The following PCDHGA6 variants were observed in gnomAD, a reference collection of about 807,000 sequenced individuals.
The protein encoded by PCDHGA6 is protocadherin gamma subfamily A, 6, also known as protocadherin gamma-A6.
A neutral mutation model predicts 60.6 loss-of-function variants in PCDHGA6; 41 were observed. That is an observed-to-expected ratio of 0.68 (90% CI 0.53 to 0.88). The LOEUF is 0.88. Among genes scored for constraint, PCDHGA6 ranks in the 40% least tolerant of loss-of-function variants. PCDHGA6 has a pLI of 0.00. For synonymous variants in PCDHGA6, 594 were observed against 524.4 expected (o/e 1.13, Z -1.81); for missense variants, 1,312 against 1,203.0 (o/e 1.09, Z -1.34).
Position 141,491,245 on chromosome 5 carries a change from G to A in PCDHGA6, c.2425-3562G>A, listed in dbSNP as rs1171588507. ...CACAGTGCTGCTGGTTCTGGAGGATGAGGACCCTGAGGAAATGCCCAAATC... is the reference window on the plus strand; with the variant it reads ...CACAGTGCTGCTGGTTCTGGAGGATAAGGACCCTGAGGAAATGCCCAAATC... On this transcript the variant is annotated intron_variant, in intron 1 of 3. Transcript: ENST00000517434. The surrounding 1 kb of genome is among the most constrained non-coding windows in gnomAD (Gnocchi z 6.9). 2 of 1,614,086 alleles carry A rather than the reference G, an allele frequency of 1.2e-6. No individual in the cohort carries two copies. Among genetic ancestry groups the A allele is most frequent in the East Asian group, 4.5e-5 (2 of 44,888 alleles).
intron 1 of PCDHGA6, among the ~76,000 whole-genome samples, chr5:141,468,130 G>C (rs1312004369): frequency 6.6e-6 from 1 of 151,878 alleles, no homozygotes; most frequent in Admixed American, 6.6e-5. Context: ...TTTGAGACCA[G>C]CCTGGCCAAC....
intron 1 of PCDHGA6, among the ~76,000 whole-genome samples, chr5:141,472,026 G>C (rs2099269805): frequency 6.6e-6 from 1 of 152,108 alleles, no homozygotes; most frequent in Non-Finnish European, 1.5e-5. Context: ...ATTGTATGTA[G>C]AAAGCTGTGA....
chr5:141,393,744 G>A lies in PCDHGA6; in HGVS notation c.2424+17237G>A, dbSNP rs770821376. The A allele has an allele frequency of 2.0e-5, 32 of 1,613,750 alleles. No individual in the cohort carries two copies. The highest frequency in any genetic ancestry group is 2.7e-5 in the Non-Finnish European group (32 of 1,179,884). On this transcript the variant is annotated intron_variant, in intron 1 of 3. Coordinates refer to ENST00000517434, the MANE Select transcript of PCDHGA6 (RefSeq NM_018919.3). ...AATAGCAAAAAGTCTAGATTATGAAGAATGTTCATTTTATGAAATGGAAAT... is the reference window on the plus strand; with the variant it reads ...AATAGCAAAAAGTCTAGATTATGAAAAATGTTCATTTTATGAAATGGAAAT...
In PCDHGA6 at chr5:141,432,265, G is replaced by A. The variant is rs756993242; in HGVS notation, c.2424+55758G>A. On this transcript the variant is annotated intron_variant, in intron 1 of 3. Transcript: ENST00000517434. The surrounding 1 kb of genome is among the most constrained non-coding windows in gnomAD (Gnocchi z 6.0). ...ACACCATCCAAGGGGCAAGCCTATCGTCCTACGTGTCCATCAACTCCGACA... is the reference window on the plus strand; with the variant it reads ...ACACCATCCAAGGGGCAAGCCTATCATCCTACGTGTCCATCAACTCCGACA... 2.5e-6 allele frequency: 4 copies of A among 1,614,092 alleles called. No individual in the cohort carries two copies. The highest frequency in any genetic ancestry group is 1.7e-5 in the Admixed American group (1 of 60,004).
At chr5:141,441,791 C>T in intron 1 of PCDHGA6, 1 of 390,714 alleles carries the variant, frequency 2.6e-6, no homozygotes, top group Non-Finnish European at 5.1e-6. Flanking sequence ...TGAATGACAA[C>T]GCACCGCGGG....
chr5:141,458,551 T>A (rs1019302178), intron 1 of PCDHGA6, among the ~76,000 whole-genome samples: 1 of 148,194 alleles, frequency 6.7e-6, no homozygotes, highest in Non-Finnish European at 1.5e-5. Flanking sequence ...TTTGTTTGTT[T>A]GTTTTGGTTT....
chr5:141,392,964 G>A (rs772870041), intron 1 of PCDHGA6: 2 of 1,613,902 alleles, frequency 1.2e-6, no homozygotes, highest in South Asian at 1.1e-5. Context: ...TATCTCCAAG[G>A]ACCTGGGGCT....
intron 1 of PCDHGA6, chr5:141,395,944 C>G (rs1218959085): frequency 6.6e-6 from 1 of 151,840 alleles, no homozygotes; most frequent in East Asian, 1.9e-4. Context: ...CATTGCTCCC[C>G]CAAACAAAAA....
At chr5:141,393,270 C>A in intron 1 of PCDHGA6, 1 of 1,613,916 alleles carries the variant, frequency 6.2e-7, no homozygotes, top group East Asian at 2.2e-5. Context: ...AGCACGTTAT[C>A]CACTCCCAGA....
At chr5:141,401,734 G>T (rs2094188545) in intron 1 of PCDHGA6, among the ~76,000 whole-genome samples, 1 of 152,166 alleles carries the variant, frequency 6.6e-6, no homozygotes, top group Non-Finnish European at 1.5e-5. Context: ...CTAGTCTTGT[G>T]TACATACAAA....
At chr5:141,405,795 G>T (rs2094718009) in intron 1 of PCDHGA6, among the ~76,000 whole-genome samples, 1 of 149,108 alleles carries the variant, frequency 6.7e-6, no homozygotes, top group African/African-American at 2.4e-5. Context: ...TTCTATTATA[G>T]TTAGCTTTCT....
At chr5:141,481,390 G>A (rs553179819) in intron 1 of PCDHGA6, among the ~76,000 whole-genome samples, 2 of 152,346 alleles carry the variant, frequency 1.3e-5, no homozygotes, top group East Asian at 3.9e-4. Context: ...TTGGAGGGAT[G>A]TGACAAAATT....
chr5:141,465,761 G>A (rs1040750106), intron 1 of PCDHGA6, among the ~76,000 whole-genome samples: 2 of 151,634 alleles, frequency 1.3e-5, no homozygotes, highest in African/African-American at 4.8e-5. Flanking sequence ...GTAAAGTCAT[G>A]TTTCATCTCT....
At chr5:141,401,570 C>T (rs192915698) in intron 1 of PCDHGA6, among the ~76,000 whole-genome samples, 2 of 152,290 alleles carry the variant, frequency 1.3e-5, no homozygotes, top group Admixed American at 1.3e-4. Context: ...ATTTCTCTTG[C>T]TCGGAATCCT....
intron 1 of PCDHGA6, chr5:141,391,295 G>A (rs1373471979): frequency 6.6e-6 from 1 of 151,134 alleles, no homozygotes; most frequent in Non-Finnish European, 1.5e-5. Context: ...AGAAGGAAAC[G>A]TCTTTCGATT....
At chr5:141,445,890 T>A (rs1435563284) in intron 1 of PCDHGA6, among the ~76,000 whole-genome samples, 1 of 152,210 alleles carries the variant, frequency 6.6e-6, no homozygotes, top group Non-Finnish European at 1.5e-5. Flanking sequence ...ACTTAGGAGC[T>A]ATTAAAATAT....
At chr5:141,504,306 G>A (rs2099837315) in intron 2 of PCDHGA6, among the ~76,000 whole-genome samples, 1 of 152,076 alleles carries the variant, frequency 6.6e-6, no homozygotes, top group South Asian at 2.1e-4. Context: ...AACACTCGGA[G>A]TTTCTAAAAG....
chr5:141,374,787 T>C lies in PCDHGA6; in HGVS notation c.704T>C (p.Val235Ala). The C allele has an allele frequency of 6.2e-7, 1 of 1,613,904 alleles. No homozygotes were observed. Among genetic ancestry groups the C allele is most frequent in the Non-Finnish European group, 8.5e-7 (1 of 1,179,850 alleles). The change falls in exon 1 of 4, where the codon GTG becomes GCG. Residue 235 changes from valine (V) to alanine (A), a missense_variant. Physicochemically the swap from Val to Ala is moderately conservative, Grantham distance 64. Transcript: ENST00000517434. ...CAAATTCTGGTAACAGTTCTAGATG[T>C]GAATGACAACACTCCAATGTTTACT... Reference protein sequence around the residue: ...VAQILVTVLDVNDNTPMFTQP... With the variant: ...VAQILVTVLDANDNTPMFTQP...
intron 1 of PCDHGA6, chr5:141,423,848 G>A: frequency 1.6e-6 from 2 of 1,277,462 alleles, no homozygotes; most frequent in Non-Finnish European, 2.0e-6. Flanking sequence ...TAATCTTTCA[G>A]AACGTTTTTG....
Sources: gnomAD v4.1 joint callset for allele counts (sites outside exome capture counted in the v4.1 genomes callset) on GRCh38, gnomAD v4.1.1 for gene constraint, Gnocchi (gnomAD v3.1) non-coding constraint, MANE v1.5 for transcripts, NCBI Gene and HGNC (gene_info 2026-07-23, HGNC 2026-07-21) for gene names.